HNF4G: variants seen among roughly 807,000 people sequenced by gnomAD.
HNF4G encodes hepatocyte nuclear factor 4 gamma.
In HNF4G, 21 loss-of-function variants were observed where a neutral mutation model predicts 50.9. That is an observed-to-expected ratio of 0.41 (90% CI 0.29 to 0.59). The LOEUF (loss-of-function observed/expected upper bound fraction) is 0.59, where lower values mean the gene tolerates loss of function less well. HNF4G is among the 20% of genes least tolerant of loss of function. The pLI is 0.26. For synonymous variants in HNF4G, 198 were observed against 185.6 expected (o/e 1.07, Z -0.54); for missense variants, 527 against 559.4 (o/e 0.94, Z 0.58).
At position 75,530,536 on chromosome 8, in the gene HNF4G, T is replaced by C. The variant is rs142899921; in HGVS notation, c.-23-13275T>C. On this transcript the variant is annotated intron_variant, in intron 2 of 10. Coordinates refer to the HNF4G transcript ENST00000354370. ...ATTTAGGCAGAATTTCTGCAGCTGGTTGATGACAATTAGAATAAAAATAAT... is the reference window on the plus strand; with the variant it reads ...ATTTAGGCAGAATTTCTGCAGCTGGCTGATGACAATTAGAATAAAAATAAT... 2.2e-3 allele frequency among the ~76,000 whole-genome samples: 342 copies of C among 152,246 alleles called. 1 individual carries two copies. The highest frequency in any genetic ancestry group is 7.8e-3 in the African/African-American group (326 of 41,542).
At chr8:75,499,804 C>CA (rs1227977011) in intron 2 of HNF4G, among the ~76,000 whole-genome samples, 2 of 151,784 alleles carry the variant, frequency 1.3e-5, no homozygotes, top group African/African-American at 2.4e-5. Flanking sequence ...ATAGTCTCTT[C>CA]AAAAAATGGA....
chr8:75,487,312 G>A (rs1198680573), intron 1 of HNF4G, among the ~76,000 whole-genome samples: 1 of 151,984 alleles, frequency 6.6e-6, no homozygotes, highest in Non-Finnish European at 1.5e-5. Flanking sequence ...TCTAGAAGCT[G>A]CCATGTTTAA....
chr8:75,479,798 A>G (rs1438026996), intron 1 of HNF4G, among the ~76,000 whole-genome samples: 1 of 152,160 alleles, frequency 6.6e-6, no homozygotes, highest in Non-Finnish European at 1.5e-5. Flanking sequence ...CTTCTGTAGT[A>G]TTGATAAATA....
intron 1 of HNF4G, among the ~76,000 whole-genome samples, chr8:75,416,943 A>G (rs928152192): frequency 1.3e-5 from 2 of 152,230 alleles, no homozygotes; most frequent in African/African-American, 2.4e-5. Context: ...TGAGACATAA[A>G]TAAGATGACA....
At chr8:75,531,693 AC>A in intron 2 of HNF4G, among the ~76,000 whole-genome samples, 1 of 152,254 alleles carries the variant, frequency 6.6e-6, no homozygotes, top group South Asian at 2.1e-4. Context: ...ATAAAATAAT[AC>A]AAATAAATAA....
chr8:75,428,893 G>A (rs1810944602), intron 1 of HNF4G, among the ~76,000 whole-genome samples: 1 of 152,130 alleles, frequency 6.6e-6, no homozygotes, highest in South Asian at 2.1e-4. Flanking sequence ...GGTGGCAGGT[G>A]AAAAATGGAT....
chr8:75,407,970 TTTCTC>T (rs1810402856), upstream of HNF4G: 1 of 151,760 alleles, frequency 6.6e-6, no homozygotes, highest in Admixed American at 6.6e-5. Context: ...CGCAGGTAAG[TTTCTC>T]CGCCGCCGCC....
intron 1 of HNF4G, among the ~76,000 whole-genome samples, chr8:75,465,793 T>C (rs1476348990): frequency 6.6e-6 from 1 of 152,168 alleles, no homozygotes; most frequent in Non-Finnish European, 1.5e-5. Context: ...TTTCAAAGTT[T>C]ACCAGGACAT....
chr8:75,508,554 G>GT (rs1391863193), intron 2 of HNF4G, among the ~76,000 whole-genome samples: 1 of 152,142 alleles, frequency 6.6e-6, no homozygotes, highest in Non-Finnish European at 1.5e-5. Flanking sequence ...TTGAAACCTC[G>GT]TTTTTTCAGC....
chr8:75,493,998 T>C (rs554599957), intron 2 of HNF4G, among the ~76,000 whole-genome samples: 11 of 152,296 alleles, frequency 7.2e-5, no homozygotes, highest in African/African-American at 2.2e-4. Flanking sequence ...TTTTCCAATG[T>C]GATATCTCTG....
At chr8:75,544,095 C>A (rs1945662968) in intron 2 of HNF4G, 116 bp downstream of exon 2, 2 of 849,340 alleles carry the variant, frequency 2.4e-6, no homozygotes, top group East Asian at 2.6e-5. Context: ...TAAATACAAT[C>A]TCTAAACTGC....
At chr8:75,542,547 A>C (rs1037124278) in intron 1 of HNF4G, among the ~76,000 whole-genome samples, 98 of 151,904 alleles carry the variant, frequency 6.5e-4, no homozygotes, top group African/African-American at 2.3e-3. Context: ...AAAAAAAAAA[A>C]AAAAAAAAGA....
chr8:75,540,845 A>ATGTGTGTGTG lies in HNF4G; in HGVS notation c.118+770_118+771insGTGTGTGTGT, dbSNP rs1428053562. ...CGAGTAATTATGTATACTTTGGAAAATGTGTATGTGTGTGTGTGTGTGTGT... is the reference window on the plus strand; with the variant it reads ...CGAGTAATTATGTATACTTTGGAAAATGTGTGTGTGTGTGTATGTGTGTGTGTGTGTGTGT... On this transcript the variant is annotated intron_variant, in intron 1 of 9. Transcript: ENST00000396423. Among the ~76,000 whole-genome samples the ATGTGTGTGTG allele has an allele frequency of 9.1e-3, 849 of 93,282 alleles. 13 individuals carry two copies. The highest frequency in any genetic ancestry group is 0.04 in the African/African-American group (796 of 19,886). The allele number at this position is 93,282 out of a possible 152,430, so 61.2% of individuals were successfully genotyped here.
rs1403010904 is a variant in HNF4G, at chr8:75,514,361, TTTTTC to T, written c.-24+24157_-24+24161del. Among the ~76,000 whole-genome samples, 651 of 148,280 alleles carry T rather than the reference TTTTTC, an allele frequency of 4.4e-3. 8 individuals carry two copies. The highest frequency in any genetic ancestry group is 0.016 in the African/African-American group (630 of 40,470). ...TTCCTTTCTTTCTTCTTTCTTTTTT[TTTTTC>T]TTTCTTTTTTTTTTTTGTTGTTGTT... is the stretch of plus-strand genomic sequence containing the variant. On this transcript the variant is annotated intron_variant, in intron 2 of 10. Coordinates refer to the HNF4G transcript ENST00000354370.
chr8:75,448,286 G>T (rs1465881491), intron 1 of HNF4G, among the ~76,000 whole-genome samples: 1 of 112,358 alleles, frequency 8.9e-6, no homozygotes, highest in African/African-American at 3.4e-5. Flanking sequence ...ACTGTGGTGG[G>T]GTGGGGGGAG....
At chr8:75,447,673 C>G (rs1413781462) in intron 1 of HNF4G, among the ~76,000 whole-genome samples, 1 of 152,058 alleles carries the variant, frequency 6.6e-6, no homozygotes, top group East Asian at 1.9e-4. Context: ...CCAAAAAACA[C>G]ATGAAAAAAT....
At chr8:75,521,071 CA>C (rs1467173685) in intron 2 of HNF4G, among the ~76,000 whole-genome samples, 1 of 151,930 alleles carries the variant, frequency 6.6e-6, no homozygotes, top group East Asian at 1.9e-4. Flanking sequence ...AGTATTATCT[CA>C]AGTGGATATA....
At chr8:75,477,178 G>T (rs1018997273) in intron 1 of HNF4G, among the ~76,000 whole-genome samples, 4 of 152,104 alleles carry the variant, frequency 2.6e-5, no homozygotes, top group African/African-American at 9.7e-5. Flanking sequence ...AAATATTTTG[G>T]TTTTTTAAGA....
intron 1 of HNF4G, among the ~76,000 whole-genome samples, chr8:75,411,556 T>C (rs1810503856): frequency 6.6e-6 from 1 of 152,240 alleles, no homozygotes; most frequent in Non-Finnish European, 1.5e-5. Context: ...TAGAATTAGC[T>C]GATAACATCT....
Sources: gnomAD v4.1 joint callset for allele counts (sites outside exome capture counted in the v4.1 genomes callset) on GRCh38, gnomAD v4.1.1 for gene constraint, MANE v1.5 for transcripts, NCBI Gene and HGNC (gene_info 2026-07-23, HGNC 2026-07-21) for gene names.